CNTNAP4: variants seen among roughly 807,000 people sequenced by gnomAD.
CNTNAP4 encodes the protein contactin-associated protein-like 4.
CNTNAP4 carries 98 observed loss-of-function variants against 148.4 expected under a neutral mutation model. The observed-to-expected ratio is 0.66, with a 90% CI of 0.56 to 0.78. The LOEUF is 0.78. Among genes scored for constraint, CNTNAP4 ranks in the 30% least tolerant of loss-of-function variants. The pLI is 0.00. For synonymous variants in CNTNAP4, 730 were observed against 565.1 expected (o/e 1.29, Z -4.14); for missense variants, 1,935 against 1,565.6 (o/e 1.24, Z -3.98).
At position 76,387,899 on chromosome 16, in the gene CNTNAP4, C is replaced by T. The variant is rs192091528; in HGVS notation, c.390+32388C>T. Among the ~76,000 whole-genome samples, 7 of 152,242 alleles carry T rather than the reference C, an allele frequency of 4.6e-5. No homozygotes were observed. The East Asian group carries it at 7.7e-4, about 17-fold the overall frequency. Reference sequence around the variant, plus strand: ...GATGCCATTGTTATTATAATGCAAACACAGAAGGGATCTATTCCCCTCTTT... The same window carrying T: ...GATGCCATTGTTATTATAATGCAAATACAGAAGGGATCTATTCCCCTCTTT... On this transcript the variant is annotated intron_variant, in intron 3 of 23. Transcript: ENST00000611870.
intron 5 of CNTNAP4, 59 bp from the exon 6 acceptor site, chr16:76,448,708 C>CTTTTTTTTTTTTTTTTTTTT: frequency 9.8e-7 from 1 of 1,021,628 alleles, no homozygotes; most frequent in Non-Finnish European, 1.3e-6. Context: ...AGAAGGGAAC[C>CTTTTTTTTTTTTTTTTTTTT]TTTTTTTTTT....
At chr16:76,477,981 A>G (rs925098171) in intron 11 of CNTNAP4, among the ~76,000 whole-genome samples, 5 of 152,222 alleles carry the variant, frequency 3.3e-5, no homozygotes, top group Admixed American at 3.3e-4. Flanking sequence ...GCTGTAATAG[A>G]ACTGAAGGGT....
chr16:76,391,804 T>C (rs1180373283), intron 3 of CNTNAP4, among the ~76,000 whole-genome samples: 3 of 152,180 alleles, frequency 2.0e-5, no homozygotes, highest in South Asian at 2.1e-4. Flanking sequence ...TTGTTAGAAA[T>C]ACAGGATCTC....
rs193002199 is a variant in CNTNAP4 at position 76,532,389 on chromosome 16, T to C, written c.2756-3156T>C. 1.3e-4 allele frequency among the ~76,000 whole-genome samples: 20 copies of C among 152,270 alleles called. No individual in the cohort carries two copies. In the East Asian group the frequency reaches 3.7e-3, roughly 28 times the overall value. The stretch of plus-strand genomic sequence containing the variant: ...CAATCTTTGAAATTCTCTATGCCCC[T>C]AGTTTCCCATCATCCAAAACAAACT... On this transcript the variant is annotated intron_variant, in intron 17 of 23. Transcript: ENST00000611870.
At chr16:76,432,689 C>T (rs2079652876) in intron 4 of CNTNAP4, 1 of 152,082 alleles carries the variant, frequency 6.6e-6, no homozygotes, top group Non-Finnish European at 1.5e-5. Context: ...GCAATTAAAC[C>T]ATAGGAGATA....
At position 76,427,454 on chromosome 16, in the gene CNTNAP4, T is replaced by G; in HGVS notation, c.393T>G (p.Gly131=). The change falls in exon 4 of 24, where the codon GGT becomes GGG. Residue 131 remains glycine (G), a splice_region_variant and synonymous_variant. Coordinates refer to ENST00000611870, the MANE Select transcript of CNTNAP4 (RefSeq NM_033401.5). ...TGCTTCTTTCCCTTTTCTTTTAGGG[T>G]TTTTCAGGAAATGCAAATGCAGACA... ...KQYRQEDSIW[G]FSGNANADSV... The G allele has an allele frequency of 6.2e-7, 1 of 1,600,648 alleles. No individual in the cohort carries two copies.
At chr16:76,556,549 T>C (rs1321090987) in intron 23 of CNTNAP4, among the ~76,000 whole-genome samples, 2 of 152,290 alleles carry the variant, frequency 1.3e-5, no homozygotes, top group Admixed American at 6.5e-5. Context: ...TTTATAATTG[T>C]AGTTGTCTGC....
chr16:76,445,292 C>A (rs933997607), intron 4 of CNTNAP4, among the ~76,000 whole-genome samples: 1 of 152,154 alleles, frequency 6.6e-6, no homozygotes, highest in Admixed American at 6.6e-5. Flanking sequence ...ATGCCTGTTA[C>A]AACCTGTAAT....
chr16:76,522,126 A>AT lies in CNTNAP4; in HGVS notation c.2624_2625insT (p.Gln875HisfsTer8). 6.2e-7 allele frequency: 1 copy of AT among 1,613,986 alleles called. No individual in the cohort carries two copies. The highest frequency in any genetic ancestry group is 2.2e-5 in the East Asian group (1 of 44,882). ...TCACCCACCCACTTCAACGACAACC[A>AT]GTGGCACCATGTGAGGGTTGAAAGG... On this transcript the variant is annotated frameshift_variant, in exon 17 of 24. Coordinates refer to ENST00000611870, the MANE Select transcript of CNTNAP4 (RefSeq NM_033401.5). LOFTEE classifies it high-confidence loss of function.
intron 12 of CNTNAP4, among the ~76,000 whole-genome samples, chr16:76,485,281 C>G (rs1356622672): frequency 6.6e-6 from 1 of 151,976 alleles, no homozygotes; most frequent in Non-Finnish European, 1.5e-5. Context: ...CCACGCCCAG[C>G]CAATTTTGTA....
chr16:76,531,296 C>G (rs115519380), intron 17 of CNTNAP4, among the ~76,000 whole-genome samples: 1 of 152,142 alleles, frequency 6.6e-6, no homozygotes, highest in Non-Finnish European at 1.5e-5. Flanking sequence ...AAAGAACCAG[C>G]TTCTACTCCA....
chr16:76,558,536 A>C lies in CNTNAP4; in HGVS notation c.3780A>C (p.Ile1260=). The stretch of plus-strand genomic sequence containing the variant: ...TTATCTTGCTTTGCATCACTGCCAT[A>C]GCTGTTCGCATTTATCAGCAGAAAA... The part of the protein sequence containing the change: ...VIFILLCITA[I]AVRIYQQKRL... The change falls in exon 24 of 24, where the codon ATA becomes ATC. Residue 1260 remains isoleucine (I), a synonymous_variant. Transcript: ENST00000611870. 1.2e-6 allele frequency: 2 copies of C among 1,611,348 alleles called. No homozygotes were observed. The highest frequency in any genetic ancestry group is 2.2e-5 in the South Asian group (2 of 90,954).
intron 1 of CNTNAP4, among the ~76,000 whole-genome samples, chr16:76,297,725 A>G (rs1352395480): frequency 2.0e-5 from 3 of 152,230 alleles, no homozygotes; most frequent in Non-Finnish European, 4.4e-5. Context: ...TACTGGTTAT[A>G]TGCAAATCCT....
intron 4 of CNTNAP4, among the ~76,000 whole-genome samples, chr16:76,433,141 T>G (rs1177609981): frequency 1.3e-5 from 2 of 152,140 alleles, no homozygotes; most frequent in East Asian, 3.9e-4. Flanking sequence ...AACCAGACAT[T>G]CTTTTTTTGT....
chr16:76,408,963 C>A (rs1426661450), intron 3 of CNTNAP4, among the ~76,000 whole-genome samples: 1 of 151,938 alleles, frequency 6.6e-6, no homozygotes, highest in Admixed American at 6.6e-5. Context: ...TCTTACAGAG[C>A]CATGGTTTTC....
chr16:76,423,554 A>G (rs2079268725), intron 3 of CNTNAP4, among the ~76,000 whole-genome samples: 1 of 152,220 alleles, frequency 6.6e-6, no homozygotes, highest in South Asian at 2.1e-4. Flanking sequence ...GTGAATTGTT[A>G]TGGCAACAAT....
rs2082899059 is a variant in CNTNAP4, at chr16:76,508,330, A to G, written c.2365+9636A>G. 2.1e-5 allele frequency among the ~76,000 whole-genome samples: 2 copies of G among 97,558 alleles called. 1 individual carries two copies. The highest frequency in any genetic ancestry group is 8.1e-4 in the South Asian group (2 of 2,468). 64.0% of individuals were successfully genotyped at this position (97,558 alleles called of 152,430 possible). A position where few individuals can be genotyped will look rare whatever the true frequency, so the allele number is the denominator to read the frequency against. ...TTATTGATTCTGATATAAAAATCAC[A>G]TAGTAGAAGAATGTCTAGTTCCATC... On this transcript the variant is annotated intron_variant, in intron 15 of 23. Transcript: ENST00000611870.
intron 1 of CNTNAP4, among the ~76,000 whole-genome samples, chr16:76,288,660 A>G (rs1958987067): frequency 6.6e-6 from 1 of 152,212 alleles, no homozygotes; most frequent in South Asian, 2.1e-4. Flanking sequence ...GCAAAACTGA[A>G]ATTTTTGAAA....
chr16:76,295,705 G>T (rs184614255), intron 1 of CNTNAP4, among the ~76,000 whole-genome samples: 1 of 152,338 alleles, frequency 6.6e-6, no homozygotes, highest in East Asian at 1.9e-4. Context: ...GGAAGGAGTG[G>T]CCAATTCAAG....
Sources: allele counts gnomAD v4.1 joint callset (sites outside exome capture counted in the v4.1 genomes callset), GRCh38; gene constraint gnomAD v4.1.1; transcripts MANE v1.5; gene names NCBI Gene and HGNC (gene_info 2026-07-23, HGNC 2026-07-21).